The following TBC1D22A variants were observed in gnomAD, a reference collection of about 807,000 sequenced individuals.
The protein encoded by TBC1D22A is TBC1 domain family member 22A.
TBC1D22A carries 38 observed loss-of-function variants against 60.2 expected under a neutral mutation model. That is an observed-to-expected ratio of 0.63 (90% CI 0.49 to 0.83). The LOEUF is 0.83. Among genes scored for constraint, TBC1D22A ranks in the 40% least tolerant of loss-of-function variants. The probability of loss-of-function intolerance (pLI) is 0.00; values close to 1 mark genes in which losing one functional copy is unlikely to be tolerated. For synonymous variants in TBC1D22A, 302 were observed against 281.7 expected, an observed-to-expected ratio of 1.07 and a Z score of -0.72; for missense variants, 628 against 701.0, an observed-to-expected ratio of 0.90 and a Z score of 1.18.
At chr22:46,976,644 C>T (rs939010159) in intron 9 of TBC1D22A, among the ~76,000 whole-genome samples, 7 of 152,226 alleles carry the variant, frequency 4.6e-5, no homozygotes, top group African/African-American at 1.7e-4. Context: ...TTACTGTCTC[C>T]ATTTCATTCT....
chr22:46,860,892 G>C (rs2087840959), intron 4 of TBC1D22A, among the ~76,000 whole-genome samples: 2 of 152,252 alleles, frequency 1.3e-5, no homozygotes, highest in African/African-American at 4.8e-5. Flanking sequence ...GGGAGAAGGT[G>C]CACATCAGCT....
intron 12 of TBC1D22A, among the ~76,000 whole-genome samples, chr22:47,130,830 C>T (rs973787288): frequency 3.9e-5 from 6 of 152,194 alleles, no homozygotes; most frequent in African/African-American, 1.4e-4. Context: ...TGGATAGCCC[C>T]TTATTTCCGA....
chr22:47,059,222 C>T (rs1159334660), intron 11 of TBC1D22A, among the ~76,000 whole-genome samples: 2 of 152,258 alleles, frequency 1.3e-5, no homozygotes, highest in South Asian at 2.1e-4. Flanking sequence ...CTGTCTGGCA[C>T]CTGGATTTTC....
At chr22:46,790,611 C>T (rs2084363911) in intron 1 of TBC1D22A, among the ~76,000 whole-genome samples, 1 of 151,610 alleles carries the variant, frequency 6.6e-6, no homozygotes, top group Non-Finnish European at 1.5e-5. Context: ...AGGGTATGAG[C>T]AGACAATTTA....
chr22:46,818,618 GT>G (rs1700414955), intron 4 of TBC1D22A, among the ~76,000 whole-genome samples: 1 of 152,192 alleles, frequency 6.6e-6, no homozygotes, highest in Non-Finnish European at 1.5e-5. Flanking sequence ...CTATATGTCT[GT>G]TTTGGTACCA....
At chr22:46,880,208 A>G (rs1367794173) in intron 5 of TBC1D22A, among the ~76,000 whole-genome samples, 1 of 152,242 alleles carries the variant, frequency 6.6e-6, no homozygotes, top group Non-Finnish European at 1.5e-5. Flanking sequence ...GGGAGACATG[A>G]GACATCCATC....
intron 8 of TBC1D22A, among the ~76,000 whole-genome samples, chr22:46,951,417 G>A (rs1452018920): frequency 3.3e-5 from 5 of 152,204 alleles, no homozygotes; most frequent in Admixed American, 6.5e-5. Context: ...CGCGATTCAT[G>A]TGTTATGCAT....
intron 11 of TBC1D22A, among the ~76,000 whole-genome samples, chr22:47,061,344 G>T (rs1211246598): frequency 6.6e-6 from 1 of 152,136 alleles, no homozygotes; most frequent in East Asian, 1.9e-4. Context: ...GCCCAGGTGT[G>T]CAGGGCCTCT....
At chr22:46,788,005 C>T (rs1370812422) in intron 1 of TBC1D22A, among the ~76,000 whole-genome samples, 1 of 147,016 alleles carries the variant, frequency 6.8e-6, no homozygotes, top group Non-Finnish European at 1.5e-5. Flanking sequence ...GGCGTGATCT[C>T]GGCTCACTGC....
At chr22:47,019,522 C>G (rs191237639) in intron 10 of TBC1D22A, among the ~76,000 whole-genome samples, 5 of 152,074 alleles carry the variant, frequency 3.3e-5, no homozygotes, top group Admixed American at 3.3e-4. Flanking sequence ...GGTGCTGAGT[C>G]TCGTATAGGT....
intron 12 of TBC1D22A, among the ~76,000 whole-genome samples, chr22:47,130,452 A>G (rs1201711585): frequency 1.3e-5 from 2 of 152,140 alleles, no homozygotes; most frequent in African/African-American, 4.8e-5. Context: ...TGAGATCTAC[A>G]TGTCTGGATA....
At position 47,149,485 on chromosome 22, in the gene TBC1D22A, G is replaced by A. The variant is rs549062360; in HGVS notation, c.1426-24013G>A. ...CAGCGTGCCACCCCCACGGCCACAG[G>A]CCAGGCTGGCTGCCGAGAAGGCTGG... On this transcript the variant is annotated intron_variant, in intron 12 of 12. Transcript: ENST00000337137. Among the ~76,000 whole-genome samples, 3 of 152,384 alleles carry A rather than the reference G, an allele frequency of 2.0e-5. No homozygotes were observed. In the East Asian group the frequency reaches 5.8e-4, roughly 29 times the overall value.
At chr22:46,917,227 G>A (rs1272291371) in intron 8 of TBC1D22A, among the ~76,000 whole-genome samples, 2 of 152,188 alleles carry the variant, frequency 1.3e-5, no homozygotes, top group Non-Finnish European at 2.9e-5. Context: ...GGCCATGGAA[G>A]AAGGCAGGTC....
intron 10 of TBC1D22A, among the ~76,000 whole-genome samples, chr22:47,018,911 C>CCCCTCTCCTTTCCTTA (rs1373874615): frequency 3.3e-5 from 5 of 152,192 alleles, no homozygotes; most frequent in African/African-American, 1.2e-4. Flanking sequence ...TCCTTTCCTT[C>CCCCTCTCCTTTCCTTA]CCCTCATCCT....
chr22:47,115,143 C>T (rs1239751742), intron 12 of TBC1D22A, among the ~76,000 whole-genome samples: 8 of 152,134 alleles, frequency 5.3e-5, no homozygotes, highest in African/African-American at 1.2e-4. Context: ...CTGGAGTGAA[C>T]GTTGGCCCTG....
chr22:46,923,449 T>C (rs756775767), intron 8 of TBC1D22A, among the ~76,000 whole-genome samples: 1 of 152,268 alleles, frequency 6.6e-6, no homozygotes, highest in Non-Finnish European at 1.5e-5. Flanking sequence ...TCCCCATCTC[T>C]TGCCCCGCCC....
chr22:46,927,355 A>T (rs1039830865), intron 8 of TBC1D22A, among the ~76,000 whole-genome samples: 2 of 152,230 alleles, frequency 1.3e-5, no homozygotes, highest in Admixed American at 1.3e-4. Flanking sequence ...CAAAAACTAC[A>T]TGATCATCTC....
At chr22:46,895,498 C>G (rs1478639092) in intron 7 of TBC1D22A, among the ~76,000 whole-genome samples, 1 of 152,132 alleles carries the variant, frequency 6.6e-6, no homozygotes, top group Non-Finnish European at 1.5e-5. Flanking sequence ...CTCAGCCTCC[C>G]TGGGCTGGGA....
chr22:47,154,722 G>C (rs2067644027), intron 12 of TBC1D22A, among the ~76,000 whole-genome samples: 2 of 152,222 alleles, frequency 1.3e-5, no homozygotes, highest in Non-Finnish European at 2.9e-5. Flanking sequence ...GCTGCTCTGG[G>C]ACATGTGCCC....
Sources: allele counts gnomAD v4.1 joint callset (sites outside exome capture counted in the v4.1 genomes callset), GRCh38; gene constraint gnomAD v4.1.1; transcripts MANE v1.5; gene names NCBI Gene and HGNC (gene_info 2026-07-23, HGNC 2026-07-21).